Variants in WDR43 observed in about 807,000 individuals in gnomAD.
The protein encoded by WDR43 is WD repeat domain 43, also known as WD repeat-containing protein 43.
Under a neutral mutation model 91.4 loss-of-function variants are expected in WDR43, and 13 were observed. That is an observed-to-expected ratio of 0.14 (90% CI 0.09 to 0.23). The LOEUF is 0.23. Among genes scored for constraint, WDR43 ranks in the 10% least tolerant of loss-of-function variants. The probability of loss-of-function intolerance (pLI) is 1.00; values close to 1 mark genes in which losing one functional copy is unlikely to be tolerated. For missense variants in WDR43, 780 were observed against 809.4 expected, an observed-to-expected ratio of 0.96 and a Z score of 0.44; for synonymous variants, 331 against 287.9, an observed-to-expected ratio of 1.15 and a Z score of -1.51.
In WDR43 at chr2:28,922,806, T is replaced by TTG. The variant is rs1277064681; in HGVS notation, c.850-112_850-111insGT. The TTG allele has an allele frequency of 5.4e-5, 22 of 410,380 alleles. 1 individual carries two copies. In the Admixed American group the frequency reaches 6.2e-4, roughly 12 times the overall value. The allele number at this position is 410,380 out of a possible 1,614,324, so 25.4% of individuals were successfully genotyped here. ...AATGGATTCTTGCTGTGTTTTTTTT[T>TTG]TTTTTTTTCTGGTTGTGTAATGGGG... is the stretch of plus-strand genomic sequence containing the variant. On this transcript the variant is annotated intron_variant, in intron 6 of 17. Coordinates refer to ENST00000407426, the MANE Select transcript of WDR43 (RefSeq NM_015131.3).
At chr2:28,916,658 C>G (rs1670916403) in intron 5 of WDR43, among the ~76,000 whole-genome samples, 1 of 152,090 alleles carries the variant, frequency 6.6e-6, no homozygotes, top group African/African-American at 2.4e-5. Context: ...CACGCTTATC[C>G]CTATATCGGT....
rs2148203429 is a variant in WDR43 at position 28,947,204 on chromosome 2, G to GA, written c.*429dup. ...AATCCAGATGCAAAGCAGCACTAGT[G>GA]AAAATTTTTTTAATTTAGTACATTT... On this transcript the variant is annotated 3_prime_UTR_variant, in exon 18 of 18. Transcript: ENST00000407426. 6.6e-6 allele frequency: 1 copy of GA among 152,612 alleles called. No individual in the cohort carries two copies. Among genetic ancestry groups the GA allele is most frequent in the Admixed American group, 6.5e-5 (1 of 15,274 alleles). 9.5% of individuals were successfully genotyped at this position (152,612 alleles called of 1,614,324 possible). A position where few individuals can be genotyped will look rare whatever the true frequency, so the allele number is the denominator to read the frequency against.
intron 11 of WDR43, among the ~76,000 whole-genome samples, chr2:28,934,157 A>T (rs576439029): frequency 2.0e-5 from 3 of 152,344 alleles, no homozygotes; most frequent in African/African-American, 7.2e-5. Flanking sequence ...GTATTCATGA[A>T]TCTCAAACTA....
intron 3 of WDR43, among the ~76,000 whole-genome samples, chr2:28,912,190 G>A (rs569383320): frequency 1.3e-5 from 2 of 152,302 alleles, no homozygotes; most frequent in East Asian, 3.9e-4. Context: ...CAGAGAAAGC[G>A]AGAATTGAGG....
At position 28,942,240 on chromosome 2, in the gene WDR43, G is replaced by A. The variant is rs143520162; in HGVS notation, c.1735-72G>A. The A allele has an allele frequency of 1.7e-3, 2,485 of 1,460,902 alleles. 13 individuals carry two copies. Among genetic ancestry groups the A allele is most frequent in the Non-Finnish European group, 1.7e-3 (1,779 of 1,059,710 alleles). The allele number at this position is 1,460,902 out of a possible 1,614,324, so 90.5% of individuals were successfully genotyped here. A position where few individuals can be genotyped will look rare whatever the true frequency, so the allele number is the denominator to read the frequency against. On this transcript the variant is annotated intron_variant, in intron 15 of 17. Transcript: ENST00000407426. ...TAGCAGCAAGCAGTGGGGAAGGTTG[G>A]GTATGCTGGTGGTCGTGATACTTGG...
At chr2:28,897,489 A>G (rs913910918) in intron 1 of WDR43, among the ~76,000 whole-genome samples, 2 of 152,172 alleles carry the variant, frequency 1.3e-5, no homozygotes, top group Non-Finnish European at 1.5e-5. Flanking sequence ...ACCTTTTAGG[A>G]TCCTCAGGAT....
At chr2:28,898,730 GTAC>G (rs1030633903) in intron 1 of WDR43, among the ~76,000 whole-genome samples, 3 of 151,980 alleles carry the variant, frequency 2.0e-5, no homozygotes, top group African/African-American at 7.3e-5. Context: ...AAGTATCAGA[GTAC>G]TACTAGCCGT....
At chr2:28,905,878 G>T (rs2148180446) in intron 2 of WDR43, among the ~76,000 whole-genome samples, 1 of 152,012 alleles carries the variant, frequency 6.6e-6, no homozygotes, top group East Asian at 1.9e-4. Context: ...TGTTGGTCAG[G>T]CTGGTCCTGA....
Position 28,929,576 on chromosome 2 carries a change from T to C in WDR43, c.1306-3T>C. 1 of 1,606,258 alleles carries C rather than the reference T, an allele frequency of 6.2e-7. No individual in the cohort carries two copies. Among genetic ancestry groups the C allele is most frequent in the Non-Finnish European group, 8.5e-7 (1 of 1,176,042 alleles). On this transcript the variant is annotated splice_region_variant and splice_polypyrimidine_tract_variant and intron_variant, in intron 10 of 17. Coordinates refer to ENST00000407426, the MANE Select transcript of WDR43 (RefSeq NM_015131.3). The stretch of plus-strand genomic sequence containing the variant: ...CACATTAACAATCCTTTCTGTTCTG[T>C]AGGTTAGCATTGAAGAACGTCTGGG...
In WDR43 at chr2:28,932,408, C is replaced by T. The variant is rs535410977; in HGVS notation, c.1437+2698C>T. Among the ~76,000 whole-genome samples the T allele has an allele frequency of 5.0e-4, 76 of 152,302 alleles. 1 individual carries two copies. In the South Asian group the frequency reaches 0.014, roughly 28 times the overall value. The stretch of plus-strand genomic sequence containing the variant: ...AGACTCCTGATCTCCGGTCACCTGC[C>T]CCTCTTGGCCTCCCAGAATGCTGGG... On this transcript the variant is annotated intron_variant, in intron 11 of 17. Coordinates refer to ENST00000407426, the MANE Select transcript of WDR43 (RefSeq NM_015131.3).
At position 28,946,656 on chromosome 2, in the gene WDR43, A is replaced by C. The variant is rs1231390074; in HGVS notation, c.1911A>C (p.Glu637Asp). The C allele has an allele frequency of 6.4e-7, 1 of 1,559,814 alleles. No individual in the cohort carries two copies. The highest frequency in any genetic ancestry group is 1.9e-5 in the Admixed American group (1 of 51,522). Residue 637 changes from glutamate (E) to aspartate (D), a missense_variant, in exon 18 of 18, where the codon GAA (glutamate) becomes GAC (aspartate). Glu to Asp is a conservative substitution (Grantham distance 45). This residue lies in a region of WDR43 where 426 missense variants were observed against 467.8 expected (regional missense o/e 0.91). Coordinates refer to ENST00000407426, the MANE Select transcript of WDR43 (RefSeq NM_015131.3). ...AAAGTGAAAAAGATGAGGACGTTGA[A>C]GAGGAAGATGAGGATGCCGAAGGAA... Reference protein sequence around the residue: ...ESESEKDEDVEEEDEDAEGKD... With the variant: ...ESESEKDEDVDEEDEDAEGKD...
Position 28,935,313 on chromosome 2 carries a change from A to AAATTTACTGATACAAGCAC in WDR43, c.1438-206_1438-205insTTTACTGATACAAGCACAA, listed in dbSNP as rs374311526. 5.0e-3 allele frequency among the ~76,000 whole-genome samples: 763 copies of AAATTTACTGATACAAGCAC among 152,238 alleles called. 5 individuals carry two copies. The highest frequency in any genetic ancestry group is 0.017 in the African/African-American group (726 of 41,538). Reference sequence around the variant, plus strand: ...TAATGAAGTAAATTTACTGATACCCAAAGACTGTGCTTGTCTGTTAAGCAC... The same window carrying AAATTTACTGATACAAGCAC: ...TAATGAAGTAAATTTACTGATACCCAAATTTACTGATACAAGCACAAGACTGTGCTTGTCTGTTAAGCAC... On this transcript the variant is annotated intron_variant, in intron 11 of 17. Transcript: ENST00000407426.
rs1671554937 is a variant in WDR43, at chr2:28,946,993, GAC to G, written c.*218_*219del. 2 of 468,014 alleles carry G rather than the reference GAC, an allele frequency of 4.3e-6. No homozygotes were observed. The highest frequency in any genetic ancestry group is 7.8e-5 in the Admixed American group (2 of 25,732). 29.0% of individuals were successfully genotyped at this position (468,014 alleles called of 1,614,324 possible). ...GTTAATAAACTTTACACAGTATATA[GAC>G]ACATTTTCTGCAATGTACTGACATC... On this transcript the variant is annotated 3_prime_UTR_variant, in exon 18 of 18. Coordinates refer to ENST00000407426, the MANE Select transcript of WDR43 (RefSeq NM_015131.3).
chr2:28,928,040 T>C, intron 10 of WDR43: 1 of 221,856 alleles, frequency 4.5e-6, no homozygotes, highest in Non-Finnish European at 9.1e-6. Flanking sequence ...GATGCCTCTT[T>C]TCTCTTGGCT....
chr2:28,946,300 T>G, intron 16 of WDR43, 150 bp from the exon 17 acceptor site: 1 of 845,136 alleles, frequency 1.2e-6, no homozygotes, highest in Non-Finnish European at 1.7e-6. Context: ...AAAAAAAAAA[T>G]AATAAAATAA....
At chr2:28,915,734 G>C (rs1191508350) in intron 5 of WDR43, among the ~76,000 whole-genome samples, 1 of 152,086 alleles carries the variant, frequency 6.6e-6, no homozygotes, top group Non-Finnish European at 1.5e-5. Flanking sequence ...ACATTCGAAG[G>C]CTTCTTGCTG....
intron 2 of WDR43, among the ~76,000 whole-genome samples, chr2:28,904,824 A>G (rs985168262): frequency 2.0e-5 from 3 of 152,242 alleles, no homozygotes; most frequent in Non-Finnish European, 4.4e-5. Flanking sequence ...AGTAATTTTG[A>G]GTAATCACTT....
rs1184201712 is a variant in WDR43 at position 28,894,726 on chromosome 2, G to C, written c.28G>C (p.Asp10His). MAAGGGGSC[D>H]PLAPAGVPCA... ...GGCGGCGGGCGGCGGCGGTAGCTGC[G>C]ACCCCCTGGCCCCTGCTGGGGTCCC... Residue 10 changes from aspartate to histidine, a missense_variant, in exon 1 of 18, where the codon GAC becomes CAC. By Grantham distance (81) the Asp-to-His change is moderately conservative. Transcript: ENST00000407426. The C allele has an allele frequency of 1.9e-6, 3 of 1,573,906 alleles. No individual in the cohort carries two copies. The highest frequency in any genetic ancestry group is 2.3e-5 in the South Asian group (2 of 86,684).
At chr2:28,924,923 A>G (rs1360514724) in intron 7 of WDR43, 59 bp from the exon 8 acceptor site, 6 of 1,561,016 alleles carry the variant, frequency 3.8e-6, no homozygotes, top group Non-Finnish European at 4.3e-6. Context: ...TCAGTTCCAG[A>G]GAGTTAGTAT....
Sources: allele counts gnomAD v4.1 joint callset (sites outside exome capture counted in the v4.1 genomes callset), GRCh38; gene constraint gnomAD v4.1.1; regional missense constraint gnomAD v4.1.1; transcripts MANE v1.5; gene names NCBI Gene and HGNC (gene_info 2026-07-23, HGNC 2026-07-21).